The following BRD10 variants were observed in gnomAD, a reference collection of about 807,000 sequenced individuals.
BRD10 encodes the protein uncharacterized bromodomain-containing protein 10.
chr9:5,916,341 C>G, the BRD10 span, among the ~76,000 whole-genome samples: 4 of 152,168 alleles, frequency 2.6e-5, no homozygotes, highest in Admixed American at 6.5e-5. Flanking sequence ...CTGGATCAAG[C>G]AAACATTTCC....
At chr9:5,970,643 C>A in the BRD10 span, among the ~76,000 whole-genome samples, 1 of 152,050 alleles carries the variant, frequency 6.6e-6, no homozygotes, top group Admixed American at 6.6e-5. Context: ...AAAGTAAAGA[C>A]AACTCACAGG....
the BRD10 span, among the ~76,000 whole-genome samples, chr9:5,888,889 CA>C: frequency 1.3e-5 from 2 of 152,144 alleles, no homozygotes; most frequent in African/African-American, 4.8e-5. Flanking sequence ...TACACAACAA[CA>C]AGGAAGAATT....
chr9:6,007,481 G>C, the BRD10 span: 1 of 1,611,644 alleles, frequency 6.2e-7, no homozygotes, highest in African/African-American at 1.3e-5. Context: ...CCCAAGGGCT[G>C]CAGAAAGGGG....
the BRD10 span, among the ~76,000 whole-genome samples, chr9:6,005,785 A>G: frequency 6.6e-6 from 1 of 152,264 alleles, no homozygotes; most frequent in East Asian, 1.9e-4. Flanking sequence ...GACAAGGGTA[A>G]CAAACACACT....
the BRD10 span, chr9:5,954,232 C>CA: frequency 1.6e-6 from 1 of 606,458 alleles, no homozygotes; most frequent in East Asian, 2.8e-5. Context: ...AATGATGAAT[C>CA]AAAACAAGCC....
At chr9:5,957,167 G>C in the BRD10 span, among the ~76,000 whole-genome samples, 1 of 152,098 alleles carries the variant, frequency 6.6e-6, no homozygotes, top group Non-Finnish European at 1.5e-5. Flanking sequence ...AAAGTGGTCT[G>C]TATAAATTAA....
At chr9:5,977,766 C>G in the BRD10 span, among the ~76,000 whole-genome samples, 1 of 151,930 alleles carries the variant, frequency 6.6e-6, no homozygotes, top group Non-Finnish European at 1.5e-5. Context: ...ACCCAGGAGG[C>G]AGAGCTTGCA....
At chr9:5,952,565 G>A in the BRD10 span, among the ~76,000 whole-genome samples, 6 of 152,164 alleles carry the variant, frequency 3.9e-5, no homozygotes, top group African/African-American at 1.4e-4. Flanking sequence ...CATGCAATCT[G>A]CTAAAATGAT....
At chr9:5,971,372 T>C in the BRD10 span, among the ~76,000 whole-genome samples, 1 of 152,184 alleles carries the variant, frequency 6.6e-6, no homozygotes, top group Non-Finnish European at 1.5e-5. Flanking sequence ...CCTAGGTATA[T>C]GCCCAAGAGA....
chr9:5,884,097 A>G, the BRD10 span, among the ~76,000 whole-genome samples: 5 of 152,222 alleles, frequency 3.3e-5, no homozygotes, highest in African/African-American at 9.6e-5. Flanking sequence ...TTGTCCCTTC[A>G]TATCACCAAT....
At chr9:6,006,736 T>C in the BRD10 span, among the ~76,000 whole-genome samples, 5 of 152,224 alleles carry the variant, frequency 3.3e-5, no homozygotes, top group African/African-American at 7.2e-5. Context: ...ACATGGGTAG[T>C]AAATGATAAA....
chr9:5,954,608 T>C, the BRD10 span, among the ~76,000 whole-genome samples: 2 of 152,212 alleles, frequency 1.3e-5, no homozygotes, highest in African/African-American at 2.4e-5. Flanking sequence ...TAGGCTGCCC[T>C]TGGCGGTATC....
At chr9:5,981,362 C>T in the BRD10 span, among the ~76,000 whole-genome samples, 3 of 152,198 alleles carry the variant, frequency 2.0e-5, no homozygotes, top group Non-Finnish European at 2.9e-5. Flanking sequence ...TGGTTACAGC[C>T]TTATTTCTTA....
the BRD10 span, among the ~76,000 whole-genome samples, chr9:5,952,904 C>A: frequency 6.6e-6 from 1 of 151,886 alleles, no homozygotes; most frequent in East Asian, 1.9e-4. Context: ...ACTCTGCAAC[C>A]AAGGTTATAT....
chr9:5,888,794 G>A, the BRD10 span, among the ~76,000 whole-genome samples: 1 of 152,348 alleles, frequency 6.6e-6, no homozygotes, highest in South Asian at 2.1e-4. Flanking sequence ...AATTGGAAAT[G>A]TGAAAAAGCT....
At chr9:5,991,509 C>T in the BRD10 span, among the ~76,000 whole-genome samples, 47 of 152,114 alleles carry the variant, frequency 3.1e-4, no homozygotes, top group South Asian at 8.3e-4. Flanking sequence ...GATCACCTGA[C>T]GTCAGGAGTT....
the BRD10 span, among the ~76,000 whole-genome samples, chr9:5,958,652 A>G: frequency 1.3e-5 from 2 of 151,696 alleles, no homozygotes; most frequent in Admixed American, 6.6e-5. Context: ...AAAAGAACAG[A>G]AAAAAAAAGG....
chr9:5,885,238 G>T, the BRD10 span, among the ~76,000 whole-genome samples: 2 of 152,158 alleles, frequency 1.3e-5, no homozygotes, highest in Non-Finnish European at 2.9e-5. Context: ...ATTAGCCATG[G>T]CCATGAGTTC....
At chr9:5,890,874 A>T in the BRD10 span, 1 of 152,202 alleles carries the variant, frequency 6.6e-6, no homozygotes, top group Non-Finnish European at 1.5e-5. Context: ...AACGATTAAG[A>T]GCCAGAGAAG....
Sources: allele counts gnomAD v4.1 joint callset (sites outside exome capture counted in the v4.1 genomes callset), GRCh38; gene constraint gnomAD v4.1.1; transcripts MANE v1.5; gene names NCBI Gene and HGNC (gene_info 2026-07-23, HGNC 2026-07-21).